Variants in FOXN3 observed in about 807,000 individuals in gnomAD.
FOXN3 encodes the protein forkhead box N3.
A neutral mutation model predicts 38.4 loss-of-function variants in FOXN3; 7 were observed. The observed-to-expected ratio is 0.18, with a 90% CI of 0.10 to 0.34. The LOEUF is 0.34. FOXN3 is among the 10% of genes least tolerant of loss of function. The probability of loss-of-function intolerance (pLI) is 1.00; values close to 1 mark genes in which losing one functional copy is unlikely to be tolerated. For synonymous variants in FOXN3, 230 were observed against 242.2 expected, an observed-to-expected ratio of 0.95 and a Z score of 0.47; for missense variants, 456 against 613.4, an observed-to-expected ratio of 0.74 and a Z score of 2.71.
chr14:89,174,230 C>A (rs557283434), intron 5 of FOXN3, among the ~76,000 whole-genome samples: 57 of 152,256 alleles, frequency 3.7e-4, no homozygotes, highest in African/African-American at 1.3e-3. Context: ...AAAATCCAGT[C>A]TAATTCTACC....
intron 1 of FOXN3, among the ~76,000 whole-genome samples, chr14:89,538,114 T>G (rs1379941097): frequency 6.6e-6 from 1 of 152,204 alleles, no homozygotes; most frequent in Non-Finnish European, 1.5e-5. Context: ...CTCAAATTTC[T>G]CACTGTCACC....
In FOXN3 at chr14:89,180,948, G is replaced by GCA. The variant is rs1373861475; in HGVS notation, c.746-144_746-143dup. ...CAGAGAGAAACACACACACACACGT[G>GCA]CACATACACACACACACACACAGTC... is the stretch of plus-strand genomic sequence containing the variant. On this transcript the variant is annotated intron_variant, in intron 4 of 5. Coordinates refer to ENST00000557258, the MANE Select transcript of FOXN3 (RefSeq NM_005197.4). 1.4e-3 allele frequency: 709 copies of GCA among 493,976 alleles called. 2 individuals are homozygous for GCA. The African/African-American group carries it at 0.025, about 17-fold the overall frequency. The allele number at this position is 493,976 out of a possible 1,614,324, so 30.6% of individuals were successfully genotyped here.
At chr14:89,614,472 G>T (rs990219611) in intron 1 of FOXN3, among the ~76,000 whole-genome samples, 5 of 152,114 alleles carry the variant, frequency 3.3e-5, no homozygotes, top group African/African-American at 4.8e-5. Flanking sequence ...GCTTCCTAGG[G>T]TACACTGTAT....
At chr14:89,359,460 T>A (rs1447517659) in intron 2 of FOXN3, among the ~76,000 whole-genome samples, 1 of 152,158 alleles carries the variant, frequency 6.6e-6, no homozygotes, top group Non-Finnish European at 1.5e-5. Context: ...TCTAAAAAAA[T>A]TGCACATGAC....
At chr14:89,192,377 A>G (rs933188086) in intron 4 of FOXN3, among the ~76,000 whole-genome samples, 3 of 144,822 alleles carry the variant, frequency 2.1e-5, no homozygotes, top group African/African-American at 7.5e-5. Context: ...TAACTATTTT[A>G]TATAAGTTAA....
chr14:89,355,700 T>C (rs1889190913), intron 2 of FOXN3, among the ~76,000 whole-genome samples: 2 of 152,190 alleles, frequency 1.3e-5, no homozygotes. Context: ...ATAGTGAAAT[T>C]TGTATTTGCA....
intron 4 of FOXN3, among the ~76,000 whole-genome samples, chr14:89,201,094 G>T (rs928626668): frequency 1.3e-5 from 2 of 152,296 alleles, no homozygotes; most frequent in East Asian, 3.9e-4. Flanking sequence ...CTTGTCTGAG[G>T]TCAGTTTATA....
chr14:89,608,779 A>G (rs1309211924), intron 1 of FOXN3, among the ~76,000 whole-genome samples: 1 of 152,160 alleles, frequency 6.6e-6, no homozygotes, highest in Non-Finnish European at 1.5e-5. Flanking sequence ...AACCTGAGGG[A>G]ATAGCATTGT....
At chr14:89,289,039 G>T (rs1886770847) in intron 3 of FOXN3, among the ~76,000 whole-genome samples, 3 of 151,300 alleles carry the variant, frequency 2.0e-5, no homozygotes, top group African/African-American at 7.3e-5. Context: ...AAAATTTGTT[G>T]GGCATGGTGG....
chr14:89,599,921 T>C (rs982668934), intron 1 of FOXN3, among the ~76,000 whole-genome samples: 3 of 152,296 alleles, frequency 2.0e-5, no homozygotes, highest in Admixed American at 1.3e-4. Context: ...TTTCTTAATC[T>C]TTTAGCCTCT....
At chr14:89,575,198 C>T (rs997876382) in intron 1 of FOXN3, among the ~76,000 whole-genome samples, 1 of 152,190 alleles carries the variant, frequency 6.6e-6, no homozygotes, top group Admixed American at 6.5e-5. Context: ...TGCCAACCCA[C>T]GAAGGGGACC....
intron 4 of FOXN3, among the ~76,000 whole-genome samples, chr14:89,191,948 G>GTATATATATATATATATATATGTGTA (rs566312671): frequency 1.8e-4 from 21 of 117,964 alleles, no homozygotes; most frequent in African/African-American, 9.8e-4. Context: ...ACTGATATTA[G>GTATATATATATATATATATATGTGTA]TATATATATA....
rs147353540 is a variant in FOXN3, at chr14:89,519,396, G to C, written c.-15+99632C>G. Among the ~76,000 whole-genome samples, 439 of 152,310 alleles carry C rather than the reference G, an allele frequency of 2.9e-3. 3 individuals are homozygous for C. Among genetic ancestry groups the C allele is most frequent in the Non-Finnish European group, 4.6e-3 (310 of 68,016 alleles). The stretch of plus-strand genomic sequence containing the variant: ...ATGAAAAAAAGGGTTGTGAAAAAGA[G>C]TGTGAGGGCCGCTGGCTTCCAGAAC... On this transcript the variant is annotated intron_variant, in intron 1 of 6. Transcript: ENST00000345097.
chr14:89,276,310 G>A (rs916101513), intron 4 of FOXN3, among the ~76,000 whole-genome samples: 5 of 152,128 alleles, frequency 3.3e-5, no homozygotes, highest in African/African-American at 9.7e-5. Context: ...ACAACCAACA[G>A]AAGTGAATGG....
In FOXN3 at chr14:89,463,182, AG is replaced by A. The variant is rs1892891107; in HGVS notation, c.-14-50693del. On this transcript the variant is annotated intron_variant, in intron 1 of 6. Transcript: ENST00000345097. ...CAGGCGCCTGTAGTCCCAGCTACTC[AG>A]GAGGCTGTGGCAGGAGAATGGCATG... 2.0e-5 allele frequency among the ~76,000 whole-genome samples: 3 copies of A among 151,046 alleles called. No individual in the cohort carries two copies. In the South Asian group the frequency reaches 6.4e-4, roughly 32 times the overall value.
At chr14:89,356,395 T>G (rs1164433757) in intron 2 of FOXN3, 1 of 151,488 alleles carries the variant, frequency 6.6e-6, no homozygotes, top group Non-Finnish European at 1.5e-5. Context: ...AGACTCGATC[T>G]CAAAAAAATA....
At chr14:89,165,298 T>C (rs1456332954) in intron 5 of FOXN3, among the ~76,000 whole-genome samples, 1 of 152,190 alleles carries the variant, frequency 6.6e-6, no homozygotes, top group East Asian at 1.9e-4. Context: ...AGACTCAGCT[T>C]CCTCATCTAC....
chr14:89,177,009 C>CTTTTTTTTTT (rs34575638), intron 5 of FOXN3, among the ~76,000 whole-genome samples: 1 of 114,220 alleles, frequency 8.8e-6, no homozygotes. Flanking sequence ...CTCTTTCTTT[C>CTTTTTTTTTT]TTTTTTTTTT....
intron 1 of FOXN3, among the ~76,000 whole-genome samples, chr14:89,544,428 G>A (rs751150108): frequency 4.0e-5 from 6 of 151,894 alleles, no homozygotes; most frequent in African/African-American, 9.7e-5. Flanking sequence ...TAAAACTCTG[G>A]GCTAGAATTT....
Sources: allele counts gnomAD v4.1 joint callset (sites outside exome capture counted in the v4.1 genomes callset), GRCh38; gene constraint gnomAD v4.1.1; transcripts MANE v1.5; gene names NCBI Gene and HGNC (gene_info 2026-07-23, HGNC 2026-07-21).